The following EYA4 variants were observed in gnomAD, a reference collection of about 807,000 sequenced individuals.
EYA4 encodes protein phosphatase EYA4.
Under a neutral mutation model 87.9 loss-of-function variants are expected in EYA4, and 31 were observed. The ratio of observed to expected loss-of-function variants is 0.35; its 90% confidence interval spans 0.27 to 0.48. The LOEUF is 0.48. Ranked by LOEUF, EYA4 falls within the 20% of genes least tolerant of loss-of-function variation. The probability of loss-of-function intolerance (pLI) is 0.99; values close to 1 mark genes in which losing one functional copy is unlikely to be tolerated. For synonymous variants in EYA4, 263 were observed against 270.6 expected (o/e 0.97, Z 0.28); for missense variants, 678 against 761.4 (o/e 0.89, Z 1.29).
intron 2 of EYA4, among the ~76,000 whole-genome samples, chr6:133,370,526 A>G (rs1213149064): frequency 6.6e-6 from 1 of 152,212 alleles, no homozygotes; most frequent in African/African-American, 2.4e-5. Flanking sequence ...TGTGAAACAC[A>G]CTTCGTCTTT....
At chr6:133,369,629 C>T (rs924851385) in intron 2 of EYA4, among the ~76,000 whole-genome samples, 2 of 151,958 alleles carry the variant, frequency 1.3e-5, no homozygotes, top group Non-Finnish European at 2.9e-5. Flanking sequence ...TCCAAAAAAA[C>T]GAGAACAAAC....
rs776491797 is a variant in EYA4, at chr6:133,525,524, CAT to C, written c.1839+277_1839+278del. Reference sequence around the variant, plus strand: ...TACATATAGTAAATATATATAGTAACATATATATTTGTGTGGGCATGTATACA... The same window carrying C: ...TACATATAGTAAATATATATAGTAACATATATTTGTGTGGGCATGTATACA... On this transcript the variant is annotated intron_variant, in intron 19 of 19. Coordinates refer to ENST00000355286, the MANE Select transcript of EYA4 (RefSeq NM_004100.5). Among the ~76,000 whole-genome samples the C allele has an allele frequency of 7.4e-4, 112 of 151,920 alleles. 1 individual carries two copies. The highest frequency in any genetic ancestry group is 6.8e-3 in the Middle Eastern group (2 of 294).
At chr6:133,512,832 T>G in intron 15 of EYA4, 46 bp from the exon 16 acceptor site, 1 of 1,613,050 alleles carries the variant, frequency 6.2e-7, no homozygotes, top group Non-Finnish European at 8.5e-7. Context: ...GCTGTGGAGT[T>G]TTGCACATGT....
chr6:133,494,175 G>C (rs138576611), intron 13 of EYA4, among the ~76,000 whole-genome samples: 99 of 152,258 alleles, frequency 6.5e-4, no homozygotes, highest in African/African-American at 2.3e-3. Context: ...AAGCTACCTA[G>C]GTGTCCATCA....
chr6:133,262,223 A>G (rs934910202), intron 1 of EYA4, among the ~76,000 whole-genome samples: 1 of 152,240 alleles, frequency 6.6e-6, no homozygotes, highest in Non-Finnish European at 1.5e-5. Flanking sequence ...AAAGATTTCC[A>G]GGTTACACAG....
chr6:133,273,097 G>GTATATATA (rs3065331), intron 1 of EYA4, among the ~76,000 whole-genome samples: 4 of 106,638 alleles, frequency 3.8e-5, no homozygotes, highest in African/African-American at 6.3e-5. Context: ...ATATATATAT[G>GTATATATA]TATATATATA....
intron 11 of EYA4, among the ~76,000 whole-genome samples, chr6:133,468,978 C>T (rs1795093052): frequency 6.6e-6 from 1 of 151,950 alleles, no homozygotes; most frequent in South Asian, 2.1e-4. Flanking sequence ...GGAGCTTTTG[C>T]CAGACTCATT....
chr6:133,447,996 C>T (rs1012080571), intron 4 of EYA4, 115 bp from the exon 5 acceptor site: 2 of 751,226 alleles, frequency 2.7e-6, no homozygotes, highest in Admixed American at 3.9e-5. Flanking sequence ...TGAAGTCATA[C>T]AGTGCAGTTA....
At chr6:133,457,125 A>G (rs567293576) in intron 6 of EYA4, among the ~76,000 whole-genome samples, 2 of 152,258 alleles carry the variant, frequency 1.3e-5, no homozygotes, top group South Asian at 4.1e-4. Flanking sequence ...ACAAGTATTA[A>G]AGGTTAATGG....
chr6:133,402,694 G>T (rs1003330183), intron 3 of EYA4, among the ~76,000 whole-genome samples: 1 of 151,470 alleles, frequency 6.6e-6, no homozygotes, highest in African/African-American at 2.4e-5. Flanking sequence ...GATTCAGGGA[G>T]CTGTGCAATA....
At chr6:133,283,284 A>C (rs1271528710) in intron 2 of EYA4, among the ~76,000 whole-genome samples, 2 of 152,002 alleles carry the variant, frequency 1.3e-5, no homozygotes, top group African/African-American at 2.4e-5. Flanking sequence ...ACAGAGCAAG[A>C]TTCTGTCTCA....
In EYA4 at chr6:133,283,639, A is replaced by G. The variant is rs189662220; in HGVS notation, c.33+8826A>G. Among the ~76,000 whole-genome samples the G allele has an allele frequency of 2.1e-4, 32 of 152,298 alleles. 2 individuals carry two copies. Among genetic ancestry groups the G allele is most frequent in the African/African-American group, 6.5e-4 (27 of 41,558 alleles). Reference sequence around the variant, plus strand: ...AGCTTGGAAGCTATGCTGATGGAATATGAACTCACATAGTCTTTATTCCAG... The same window carrying G: ...AGCTTGGAAGCTATGCTGATGGAATGTGAACTCACATAGTCTTTATTCCAG... On this transcript the variant is annotated intron_variant, in intron 2 of 19. Coordinates refer to ENST00000355286, the MANE Select transcript of EYA4 (RefSeq NM_004100.5).
chr6:133,296,051 C>A (rs1369108459), intron 2 of EYA4, among the ~76,000 whole-genome samples: 1 of 152,078 alleles, frequency 6.6e-6, no homozygotes, highest in African/African-American at 2.4e-5. Context: ...AGGGAAGGCT[C>A]CTTCTGTAAA....
chr6:133,274,976 A>G (rs1210894276), intron 2 of EYA4, among the ~76,000 whole-genome samples, 163 bp downstream of exon 2: 1 of 152,164 alleles, frequency 6.6e-6, no homozygotes, highest in Non-Finnish European at 1.5e-5. Flanking sequence ...TTGGAGATTT[A>G]TGCCGTTTCT....
chr6:133,408,577 G>A (rs211622), intron 3 of EYA4, among the ~76,000 whole-genome samples: 132,022 of 152,182 alleles, frequency 0.87, 57,521 homozygotes, highest in Middle Eastern at 0.93. Context: ...ACATGGATTT[G>A]CCACTTGCTA....
At chr6:133,385,256 G>C (rs1195701362) in intron 3 of EYA4, among the ~76,000 whole-genome samples, 1 of 144,004 alleles carries the variant, frequency 6.9e-6, no homozygotes, top group Non-Finnish European at 1.5e-5. Flanking sequence ...CCGAGATTGT[G>C]CCACTGCACT....
intron 12 of EYA4, among the ~76,000 whole-genome samples, chr6:133,482,742 A>G (rs1189905229): frequency 1.3e-5 from 2 of 152,204 alleles, no homozygotes; most frequent in African/African-American, 2.4e-5. Flanking sequence ...GCATGCTTCT[A>G]TCATAAAGTC....
At chr6:133,449,059 T>G (rs1437822555) in intron 5 of EYA4, among the ~76,000 whole-genome samples, 1 of 152,226 alleles carries the variant, frequency 6.6e-6, no homozygotes, top group Non-Finnish European at 1.5e-5. Context: ...GTTTTTCAAT[T>G]TTATACTTAA....
At chr6:133,365,598 G>A (rs912506199) in intron 2 of EYA4, among the ~76,000 whole-genome samples, 1 of 152,154 alleles carries the variant, frequency 6.6e-6, no homozygotes, top group Non-Finnish European at 1.5e-5. Context: ...GGATGCAGAA[G>A]GAGGAAGGGA....
Sources: gnomAD v4.1 joint callset for allele counts (sites outside exome capture counted in the v4.1 genomes callset) on GRCh38, gnomAD v4.1.1 for gene constraint, MANE v1.5 for transcripts, NCBI Gene and HGNC (gene_info 2026-07-23, HGNC 2026-07-21) for gene names.